FABP5: variants seen among roughly 807,000 people sequenced by gnomAD.
The protein encoded by FABP5 is fatty acid-binding protein 5.
A neutral mutation model predicts 16.9 loss-of-function variants in FABP5; 7 were observed. The observed-to-expected ratio is 0.41, with a 90% CI of 0.24 to 0.78. The LOEUF (loss-of-function observed/expected upper bound fraction) is 0.78, where lower values mean the gene tolerates loss of function less well. Ranked by LOEUF, FABP5 falls within the 30% of genes least tolerant of loss-of-function variation. The pLI, the probability that FABP5 is intolerant of heterozygous loss-of-function variation, is 0.30. For synonymous variants in FABP5, 37 were observed against 52.8 expected (o/e 0.70, Z 1.30); for missense variants, 119 against 159.5 (o/e 0.75, Z 1.37).
Position 81,283,897 on chromosome 8 carries a change from G to A in FABP5, c.277G>A (p.Ala93Thr), listed in dbSNP as rs759757795. The A allele has an allele frequency of 5.0e-6, 8 of 1,612,652 alleles. No individual in the cohort carries two copies. Among genetic ancestry groups the A allele is most frequent in the Non-Finnish European group, 6.8e-6 (8 of 1,179,224 alleles). Residue 93 changes from alanine to threonine, a missense_variant, in exon 3 of 4, where the codon GCA becomes ACA. Coordinates refer to ENST00000297258, the MANE Select transcript of FABP5 (RefSeq NM_001444.3). ...GACTGTCTGCAACTTTACAGATGGTGCATTGGTTCAGCATCAGGAGTGGGA... is the reference window on the plus strand; with the variant it reads ...GACTGTCTGCAACTTTACAGATGGTACATTGGTTCAGCATCAGGAGTGGGA... ...TQTVCNFTDG[A>T]LVQHQEWDGK...
chr8:81,284,233 C>T, intron 3 of FABP5: 1 of 539,410 alleles, frequency 1.9e-6, no homozygotes. Flanking sequence ...GGCAAGCCAC[C>T]AAACTGCACA....
In FABP5 at chr8:81,283,747, C is replaced by T. The variant is rs1807870199; in HGVS notation, c.253-126C>T. The stretch of plus-strand genomic sequence containing the variant: ...AACCACAAACTATTGTGAATAAAAT[C>T]AATATGGGTTAATGAAGTAGACTCA... On this transcript the variant is annotated intron_variant, in intron 2 of 3. Transcript: ENST00000297258. The T allele has an allele frequency of 1.4e-5, 13 of 944,934 alleles. No homozygotes were observed. The South Asian group carries it at 2.3e-4, about 17-fold the overall frequency. The allele number at this position is 944,934 out of a possible 1,614,324, so 58.5% of individuals were successfully genotyped here. A position where few individuals can be genotyped will look rare whatever the true frequency, so the allele number is the denominator to read the frequency against.
At chr8:81,282,185 T>TGTGC (rs763923660) in intron 1 of FABP5, among the ~76,000 whole-genome samples, 1 of 151,762 alleles carries the variant, frequency 6.6e-6, no homozygotes, top group Non-Finnish European at 1.5e-5. Context: ...TGTGTGTGTG[T>TGTGC]GTGTGTGTGT....
At chr8:81,284,381 T>G (rs1192811504) in intron 3 of FABP5, 133 bp from the exon 4 acceptor site, 1 of 626,366 alleles carries the variant, frequency 1.6e-6, no homozygotes, top group East Asian at 2.7e-5. Context: ...ACCCGTGAAT[T>G]CTGAAAGAAA....
chr8:81,281,738 A>T lies in FABP5; in HGVS notation c.79+1064A>T. 1.1e-6 allele frequency: 1 copy of T among 915,600 alleles called. No individual in the cohort carries two copies. Among genetic ancestry groups the T allele is most frequent in the East Asian group, 1.2e-4 (1 of 8,480 alleles). The allele number at this position is 915,600 out of a possible 1,614,324, so 56.7% of individuals were successfully genotyped here. A position where few individuals can be genotyped will look rare whatever the true frequency, so the allele number is the denominator to read the frequency against. On this transcript the variant is annotated intron_variant, in intron 1 of 3. Transcript: ENST00000297258. This position sits in a 1 kb window ranked among gnomAD's most constrained non-coding sequence, Gnocchi z 4.5. ...ATTACTGTCCTTTTCTATGCCAGTG[A>T]CAGATTGCATGCTGATTGAGACACT...
chr8:81,283,973 T>G lies in FABP5; in HGVS notation c.353T>G (p.Val118Gly), dbSNP rs1293462991. ...TRKLKDGKLV[V>G]ECVMNNVTCT... ...AAATTGAAAGATGGGAAATTAGTGG[T>G]GGTAAGTGTCAAACTGCTGTGTCTC... The change falls in exon 3 of 4, where the codon GTG becomes GGG. Residue 118 changes from valine to glycine, a missense_variant and splice_region_variant. Transcript: ENST00000297258. 4 of 1,602,152 alleles carry G rather than the reference T, an allele frequency of 2.5e-6. No homozygotes were observed. Among genetic ancestry groups the G allele is most frequent in the South Asian group, 1.1e-5 (1 of 90,154 alleles).
Position 81,281,652 on chromosome 8 carries a change from G to T in FABP5, c.79+978G>T. 1 of 985,440 alleles carries T rather than the reference G, an allele frequency of 1.0e-6. No individual in the cohort carries two copies. Among genetic ancestry groups the T allele is most frequent in the Non-Finnish European group, 1.2e-6 (1 of 829,916 alleles). The allele number at this position is 985,440 out of a possible 1,614,324, so 61.0% of individuals were successfully genotyped here. On this transcript the variant is annotated intron_variant, in intron 1 of 3. Transcript: ENST00000297258. The surrounding 1 kb of genome is among the most constrained non-coding windows in gnomAD (Gnocchi z 4.5). ...GGCAGATGACTTCTTGAAGCGTTCC[G>T]AGGGAGAATGAATCTCAGTAGTAAG...
chr8:81,281,428 G>C lies in FABP5; in HGVS notation c.79+754G>C, dbSNP rs898586678. On this transcript the variant is annotated intron_variant, in intron 1 of 3. Transcript: ENST00000297258. The surrounding 1 kb of genome is among the most constrained non-coding windows in gnomAD (Gnocchi z 4.5). ...GTGCCGACCTGCTGCTGGCACTGCC[G>C]GGCCGGGGCGCCGCAGTGGGCGGGT... 1.3e-5 allele frequency: 13 copies of C among 986,120 alleles called. No homozygotes were observed. The highest frequency in any genetic ancestry group is 1.1e-4 in the East Asian group (1 of 8,822). 61.1% of individuals were successfully genotyped at this position (986,120 alleles called of 1,614,324 possible).
chr8:81,280,798 C>T, intron 1 of FABP5, 124 bp downstream of exon 1: 2 of 846,628 alleles, frequency 2.4e-6, no homozygotes, highest in African/African-American at 1.7e-5. Context: ...CCATCCCCTC[C>T]CATCTTCCCC....
At chr8:81,284,038 TC>T (rs1167796741) in intron 3 of FABP5, 64 bp downstream of exon 3, 1 of 1,204,394 alleles carries the variant, frequency 8.3e-7, no homozygotes, top group African/African-American at 1.5e-5. Context: ...ACATAACTGT[TC>T]TATATCATTG....
In FABP5 at chr8:81,281,542, A is replaced by G. The variant is rs1807831335; in HGVS notation, c.79+868A>G. The G allele has an allele frequency of 1.0e-6, 1 of 985,640 alleles. No individual in the cohort carries two copies. Among genetic ancestry groups the G allele is most frequent in the African/African-American group, 1.7e-5 (1 of 57,238 alleles). The allele number at this position is 985,640 out of a possible 1,614,324, so 61.1% of individuals were successfully genotyped here. ...ACTTGAGGGTGAGGAGGAAGGAGGC[A>G]GTGGGCTTTGCTGGAAAACCGTAAC... On this transcript the variant is annotated intron_variant, in intron 1 of 3. Coordinates refer to ENST00000297258, the MANE Select transcript of FABP5 (RefSeq NM_001444.3). The surrounding 1 kb of genome is among the most constrained non-coding windows in gnomAD (Gnocchi z 4.5).
intron 3 of FABP5, 40 bp from the exon 4 acceptor site, chr8:81,284,474 A>C: frequency 1.4e-6 from 2 of 1,418,604 alleles, no homozygotes; most frequent in Non-Finnish European, 2.0e-6. Flanking sequence ...TCTGGAATCT[A>C]AGGCTAACCT....
At position 81,281,450 on chromosome 8, in the gene FABP5, G is replaced by C. The variant is rs2131267391; in HGVS notation, c.79+776G>C. The C allele has an allele frequency of 3.0e-6, 3 of 986,006 alleles. No homozygotes were observed. Among genetic ancestry groups the C allele is most frequent in the Non-Finnish European group, 3.6e-6 (3 of 830,478 alleles). 61.1% of individuals were successfully genotyped at this position (986,006 alleles called of 1,614,324 possible). A position where few individuals can be genotyped will look rare whatever the true frequency, so the allele number is the denominator to read the frequency against. On this transcript the variant is annotated intron_variant, in intron 1 of 3. Transcript: ENST00000297258. This position sits in a 1 kb window ranked among gnomAD's most constrained non-coding sequence, Gnocchi z 4.5. ...GCCGGGCCGGGGCGCCGCAGTGGGC[G>C]GGTGGCCTGTGGGAGGAGCGCAATG...
At position 81,284,753 on chromosome 8, in the gene FABP5, A is replaced by G; in HGVS notation, c.*186A>G. On this transcript the variant is annotated 3_prime_UTR_variant, in exon 4 of 4. Coordinates refer to ENST00000297258, the MANE Select transcript of FABP5 (RefSeq NM_001444.3). The stretch of plus-strand genomic sequence containing the variant: ...TTAATTAGGATCATCCCTTTGGTTA[A>G]TAAATAAATGTGTTTGTGCTAATAT... The G allele has an allele frequency of 1.9e-6, 1 of 535,100 alleles. No homozygotes were observed. The highest frequency in any genetic ancestry group is 3.3e-6 in the Non-Finnish European group (1 of 299,000). The allele number at this position is 535,100 out of a possible 1,614,324, so 33.1% of individuals were successfully genotyped here.
In FABP5 at chr8:81,281,496, G is replaced by T; in HGVS notation, c.79+822G>T. 1 of 985,566 alleles carries T rather than the reference G, an allele frequency of 1.0e-6. No individual in the cohort carries two copies. The highest frequency in any genetic ancestry group is 1.2e-6 in the Non-Finnish European group (1 of 830,054). The allele number at this position is 985,566 out of a possible 1,614,324, so 61.1% of individuals were successfully genotyped here. ...CAATGAGGCCTGGGGGTGGCCGTGT[G>T]TTGCCATCCTGGCCTCTGCCACTTG... On this transcript the variant is annotated intron_variant, in intron 1 of 3. Transcript: ENST00000297258. The surrounding 1 kb of genome is among the most constrained non-coding windows in gnomAD (Gnocchi z 4.5).
chr8:81,284,744 C>G lies in FABP5; in HGVS notation c.*177C>G. 1.9e-6 allele frequency: 1 copy of G among 527,514 alleles called. No homozygotes were observed. Among genetic ancestry groups the G allele is most frequent in the Non-Finnish European group, 3.4e-6 (1 of 294,930 alleles). The allele number at this position is 527,514 out of a possible 1,614,324, so 32.7% of individuals were successfully genotyped here. A position where few individuals can be genotyped will look rare whatever the true frequency, so the allele number is the denominator to read the frequency against. The stretch of plus-strand genomic sequence containing the variant: ...TGTGTTGGATTAATTAGGATCATCC[C>G]TTTGGTTAATAAATAAATGTGTTTG... On this transcript the variant is annotated 3_prime_UTR_variant, in exon 4 of 4. Coordinates refer to ENST00000297258, the MANE Select transcript of FABP5 (RefSeq NM_001444.3).
rs781211826 is a variant in FABP5 at position 81,280,704 on chromosome 8, A to G, written c.79+30A>G. 13 of 1,545,378 alleles carry G rather than the reference A, an allele frequency of 8.4e-6. No individual in the cohort carries two copies. The East Asian group carries it at 9.7e-5, about 12-fold the overall frequency. On this transcript the variant is annotated intron_variant, in intron 1 of 3. Coordinates refer to ENST00000297258, the MANE Select transcript of FABP5 (RefSeq NM_001444.3). ...GGCACCCGGCCTGGCAGCGCCTGCA[A>G]CGTGGCGTGTTGTGCGGTCGTCTGT...
intron 1 of FABP5, 169 bp downstream of exon 1, chr8:81,280,843 C>T (rs1217923165): frequency 1.6e-6 from 1 of 617,304 alleles, no homozygotes; most frequent in East Asian, 3.1e-5. Flanking sequence ...CGCGCAGCAC[C>T]ACGCGGGCAG....
At position 81,281,378 on chromosome 8, in the gene FABP5, GC is replaced by G; in HGVS notation, c.79+709del. The G allele has an allele frequency of 1.0e-6, 1 of 985,670 alleles. No individual in the cohort carries two copies. Among genetic ancestry groups the G allele is most frequent in the Non-Finnish European group, 1.2e-6 (1 of 830,152 alleles). The allele number at this position is 985,670 out of a possible 1,614,324, so 61.1% of individuals were successfully genotyped here. ...GATTGGTACCCCATGGAACACCAGG[GC>G]CCCCGAGAAGCGTGGCGCTGGCGGT... On this transcript the variant is annotated intron_variant, in intron 1 of 3. Coordinates refer to ENST00000297258, the MANE Select transcript of FABP5 (RefSeq NM_001444.3). This position sits in a 1 kb window ranked among gnomAD's most constrained non-coding sequence, Gnocchi z 4.5.
Sources: gnomAD v4.1 joint callset for allele counts (sites outside exome capture counted in the v4.1 genomes callset) on GRCh38, gnomAD v4.1.1 for gene constraint, Gnocchi (gnomAD v3.1) non-coding constraint, MANE v1.5 for transcripts, NCBI Gene and HGNC (gene_info 2026-07-23, HGNC 2026-07-21) for gene names.